Variants in ZNF827 observed in about 807,000 individuals in gnomAD.
The protein encoded by ZNF827 is zinc finger protein 827.
A neutral mutation model predicts 102.4 loss-of-function variants in ZNF827; 13 were observed. The observed-to-expected ratio is 0.13, with a 90% confidence interval of 0.08 to 0.20. The LOEUF (loss-of-function observed/expected upper bound fraction) is 0.20, where lower values mean the gene tolerates loss of function less well. ZNF827 is among the 10% of genes least tolerant of loss of function. The probability of loss-of-function intolerance (pLI) is 1.00; values close to 1 mark genes in which losing one functional copy is unlikely to be tolerated. For missense variants in ZNF827, 1,103 were observed against 1,344.4 expected (o/e 0.82, Z 2.81); for synonymous variants, 523 against 536.2 (o/e 0.98, Z 0.34).
intron 1 of ZNF827, among the ~76,000 whole-genome samples, chr4:145,934,116 T>C (rs1252904734): frequency 6.6e-6 from 1 of 152,168 alleles, no homozygotes; most frequent in Non-Finnish European, 1.5e-5. Flanking sequence ...CATATTTAAA[T>C]CCCAAAATGA....
At chr4:145,894,427 C>G (rs373601349) in intron 2 of ZNF827, among the ~76,000 whole-genome samples, 2 of 152,120 alleles carry the variant, frequency 1.3e-5, no homozygotes, top group East Asian at 3.8e-4. Context: ...ACACATTACT[C>G]TTTTAATTTT....
intron 8 of ZNF827, among the ~76,000 whole-genome samples, chr4:145,796,623 CTTTTTTTT>C (rs34553120): frequency 8.8e-6 from 1 of 113,928 alleles, no homozygotes; most frequent in Non-Finnish European, 1.8e-5. Context: ...ATTTGTTCCT[CTTTTTTTT>C]TTTTTTTTTT....
chr4:145,808,357 C>G (rs528894013), intron 8 of ZNF827, among the ~76,000 whole-genome samples: 3 of 152,120 alleles, frequency 2.0e-5, no homozygotes, highest in Admixed American at 6.5e-5. Flanking sequence ...TATAATACAG[C>G]TGATTTCCCT....
At chr4:145,790,811 T>C (rs765429596) in intron 8 of ZNF827, among the ~76,000 whole-genome samples, 21 of 152,250 alleles carry the variant, frequency 1.4e-4, no homozygotes, top group Admixed American at 1.3e-4. Context: ...TCCTAACCTA[T>C]TGAATTCTGT....
At position 145,765,281 on chromosome 4, in the gene ZNF827, C is replaced by A; in HGVS notation, c.3053-116G>T. 4 of 1,167,072 alleles carry A rather than the reference C, an allele frequency of 3.4e-6. No homozygotes were observed. The highest frequency in any genetic ancestry group is 3.0e-4 in the Middle Eastern group (1 of 3,388). The allele number at this position is 1,167,072 out of a possible 1,614,324, so 72.3% of individuals were successfully genotyped here. A position where few individuals can be genotyped will look rare whatever the true frequency, so the allele number is the denominator to read the frequency against. On this transcript the variant is annotated intron_variant, in intron 12 of 14. Coordinates refer to ENST00000508784, the MANE Select transcript of ZNF827 (RefSeq NM_001306215.2). This position sits in a 1 kb window ranked among gnomAD's most constrained non-coding sequence, Gnocchi z 4.7. ...CCTCCTCCGACGCCTGACAGCTATA[C>A]CCTTCCAGGCACTGTTCCCCATATC... is the stretch of plus-strand genomic sequence containing the variant.
intron 4 of ZNF827, among the ~76,000 whole-genome samples, chr4:145,878,099 C>T (rs1250248610): frequency 1.3e-5 from 2 of 152,158 alleles, no homozygotes; most frequent in Non-Finnish European, 1.5e-5. Flanking sequence ...AATATGCTGA[C>T]ATTCTTATTT....
At chr4:145,899,933 T>C (rs900212094) in intron 2 of ZNF827, among the ~76,000 whole-genome samples, 2 of 152,156 alleles carry the variant, frequency 1.3e-5, no homozygotes, top group East Asian at 1.9e-4. Context: ...ATAATAAATA[T>C]AGTAAAAAGC....
In ZNF827 at chr4:145,902,316, G is replaced by C. The variant is rs1195611882; in HGVS notation, c.943C>G (p.Leu315Val). ...EKSSLLPEDP[L>V]PPPPSEKKPE... ...TTCTTCTCTGAAGGCGGGGGCGGTAGAGGGTCCTCAGGCAGCAGCGATGAT... is the reference window on the plus strand; with the variant it reads ...TTCTTCTCTGAAGGCGGGGGCGGTACAGGGTCCTCAGGCAGCAGCGATGAT... The change falls in exon 2 of 15, where the codon CTA becomes GTA. Residue 315 changes from leucine (L) to valine (V), a missense_variant. By Grantham distance (32) the Leu-to-Val change is conservative (BLOSUM62 1). This residue lies in a region of ZNF827 where 441 missense variants were observed against 458.6 expected (regional missense o/e 0.96). Transcript: ENST00000508784. This position sits in a 1 kb window ranked among gnomAD's most constrained non-coding sequence, Gnocchi z 4.3. 1 of 1,601,188 alleles carries C rather than the reference G, an allele frequency of 6.2e-7. No homozygotes were observed. The highest frequency in any genetic ancestry group is 1.1e-5 in the South Asian group (1 of 88,878).
At chr4:145,898,698 C>G (rs1004028664) in intron 2 of ZNF827, among the ~76,000 whole-genome samples, 2 of 152,118 alleles carry the variant, frequency 1.3e-5, no homozygotes, top group Admixed American at 1.3e-4. Flanking sequence ...GTCTCTCTTG[C>G]AGGGCGGAAA....
At chr4:145,917,919 T>G (rs967649927) in intron 1 of ZNF827, among the ~76,000 whole-genome samples, 1 of 152,042 alleles carries the variant, frequency 6.6e-6, no homozygotes, top group Admixed American at 6.6e-5. Flanking sequence ...CCACATATTA[T>G]AAGAATTTCA....
At chr4:145,873,682 C>A (rs1034580310) in intron 4 of ZNF827, among the ~76,000 whole-genome samples, 3 of 152,184 alleles carry the variant, frequency 2.0e-5, no homozygotes, top group Non-Finnish European at 4.4e-5. Context: ...GTACTTCCAA[C>A]GTCTACCAGG....
intron 7 of ZNF827, chr4:145,832,665 A>G (rs1323834829): frequency 6.6e-6 from 1 of 152,302 alleles, no homozygotes; most frequent in Non-Finnish European, 1.5e-5. Flanking sequence ...ACTTGCACGT[A>G]TATGCCTAGA....
chr4:145,905,715 G>T (rs538647588), intron 1 of ZNF827, among the ~76,000 whole-genome samples: 1 of 152,224 alleles, frequency 6.6e-6, no homozygotes, highest in African/African-American at 2.4e-5. Flanking sequence ...CACCTTTCTT[G>T]ATTTCAGATT....
At chr4:145,798,804 AT>A (rs1338949534) in intron 8 of ZNF827, among the ~76,000 whole-genome samples, 5 of 152,246 alleles carry the variant, frequency 3.3e-5, no homozygotes, top group African/African-American at 1.2e-4. Flanking sequence ...ATCTGAAATA[AT>A]GTAAAAGGTA....
intron 5 of ZNF827, among the ~76,000 whole-genome samples, chr4:145,868,250 C>T (rs1426274103): frequency 6.6e-6 from 1 of 152,214 alleles, no homozygotes; most frequent in Non-Finnish European, 1.5e-5. Context: ...GAATGGATTC[C>T]ACTGCCCTGG....
chr4:145,875,792 T>A (rs1749101393), intron 4 of ZNF827, among the ~76,000 whole-genome samples: 1 of 152,144 alleles, frequency 6.6e-6, no homozygotes. Context: ...GGCCAAAGAC[T>A]CTTGAGCCTG....
chr4:145,838,496 C>T (rs2048160), intron 7 of ZNF827, among the ~76,000 whole-genome samples: 2,487 of 152,138 alleles, frequency 0.016, 69 homozygotes, highest in African/African-American at 0.056. Context: ...CACAGGGACG[C>T]GCATGAAAAG....
intron 8 of ZNF827, among the ~76,000 whole-genome samples, chr4:145,783,728 G>C (rs1738445796): frequency 6.6e-6 from 1 of 152,206 alleles, no homozygotes; most frequent in African/African-American, 2.4e-5. Context: ...GATCACAGAA[G>C]AAATGGCTGG....
At chr4:145,915,552 C>T (rs1026733243) in intron 1 of ZNF827, among the ~76,000 whole-genome samples, 1 of 152,116 alleles carries the variant, frequency 6.6e-6, no homozygotes, top group Non-Finnish European at 1.5e-5. Flanking sequence ...TTAAAGGTTC[C>T]ACCTCTCAAT....
Sources: gnomAD v4.1 joint callset for allele counts (sites outside exome capture counted in the v4.1 genomes callset) on GRCh38, gnomAD v4.1.1 for gene constraint, gnomAD v4.1.1 regional missense constraint, Gnocchi (gnomAD v3.1) non-coding constraint, MANE v1.5 for transcripts, NCBI Gene and HGNC (gene_info 2026-07-23, HGNC 2026-07-21) for gene names.